The following MYO1E variants were observed in gnomAD, a reference collection of about 807,000 sequenced individuals.
MYO1E encodes the protein myosin IE, also known as unconventional myosin-Ie.
In MYO1E, 68 loss-of-function variants were observed where a neutral mutation model predicts 151.1. The ratio of observed to expected loss-of-function variants is 0.45; its 90% CI spans 0.37 to 0.55. The LOEUF (loss-of-function observed/expected upper bound fraction) is 0.55. MYO1E is among the 20% of genes least tolerant of loss of function. The pLI is 0.00. For synonymous variants in MYO1E, 601 were observed against 501.7 expected (o/e 1.20, Z -2.64); for missense variants, 1,363 against 1,389.3 (o/e 0.98, Z 0.30).
chr15:59,196,719 C>T (rs756879721), intron 16 of MYO1E, among the ~76,000 whole-genome samples: 3 of 152,012 alleles, frequency 2.0e-5, no homozygotes, highest in African/African-American at 4.8e-5. Flanking sequence ...GCATTCTTTG[C>T]GATGCTTGAA....
intron 1 of MYO1E, among the ~76,000 whole-genome samples, chr15:59,306,781 G>A (rs1312287605): frequency 6.6e-6 from 1 of 152,236 alleles, no homozygotes; most frequent in Non-Finnish European, 1.5e-5. Context: ...ATTAGGGACT[G>A]ACACGTTATC....
intron 1 of MYO1E, among the ~76,000 whole-genome samples, chr15:59,330,715 C>A (rs1194207042): frequency 1.3e-5 from 2 of 152,154 alleles, no homozygotes; most frequent in Non-Finnish European, 2.9e-5. Context: ...CAGGAGTCAG[C>A]AAACTACAGC....
At chr15:59,310,507 G>A (rs1346594627) in intron 1 of MYO1E, among the ~76,000 whole-genome samples, 3 of 152,074 alleles carry the variant, frequency 2.0e-5, no homozygotes, top group African/African-American at 4.8e-5. Context: ...AGATTGGGGC[G>A]ACACAGCCAC....
At chr15:59,316,016 C>T (rs2080586663) in intron 1 of MYO1E, among the ~76,000 whole-genome samples, 2 of 152,124 alleles carry the variant, frequency 1.3e-5, no homozygotes, top group African/African-American at 2.4e-5. Context: ...CCAACAAGTA[C>T]CAGAGTGGTT....
At chr15:59,167,253 A>G (rs778468663) in intron 22 of MYO1E, among the ~76,000 whole-genome samples, 4 of 152,132 alleles carry the variant, frequency 2.6e-5, no homozygotes, top group Non-Finnish European at 5.9e-5. Flanking sequence ...CCAATTGGAG[A>G]TAAGTACTGG....
At chr15:59,339,688 T>G (rs1261865332) in intron 1 of MYO1E, among the ~76,000 whole-genome samples, 2 of 152,130 alleles carry the variant, frequency 1.3e-5, no homozygotes, top group Non-Finnish European at 2.9e-5. Flanking sequence ...GTCTCCCTAC[T>G]AAGAATTTTA....
chr15:59,248,619 T>C (rs1490384031), intron 4 of MYO1E, among the ~76,000 whole-genome samples: 3 of 151,928 alleles, frequency 2.0e-5, no homozygotes, highest in African/African-American at 4.8e-5. Context: ...TTACTAGAAG[T>C]TGGCCTAATA....
intron 1 of MYO1E, among the ~76,000 whole-genome samples, chr15:59,308,959 T>G (rs1369867077): frequency 1.3e-5 from 2 of 151,330 alleles, no homozygotes; most frequent in African/African-American, 4.9e-5. Context: ...AGAAAACCTG[T>G]TCGATTAGCT....
rs1200420172 is a variant in MYO1E at position 59,149,044 on chromosome 15, T to G, written c.3080+4546A>C. Among the ~76,000 whole-genome samples, 8 of 56,384 alleles carry G rather than the reference T, an allele frequency of 1.4e-4. No individual in the cohort carries two copies. The South Asian group carries it at 3.1e-3, about 22-fold the overall frequency. The allele number at this position is 56,384 out of a possible 152,430, so 37.0% of individuals were successfully genotyped here. On this transcript the variant is annotated intron_variant, in intron 26 of 27. Coordinates refer to ENST00000288235, the MANE Select transcript of MYO1E (RefSeq NM_004998.4). The stretch of plus-strand genomic sequence containing the variant: ...AAAGGTGGGTGGATGAACTGTTTTT[T>G]TTTTTTTGTTTTTTTTTTTTTTTTT...
chr15:59,172,960 G>A (rs115692243), intron 21 of MYO1E, among the ~76,000 whole-genome samples: 1,566 of 152,274 alleles, frequency 0.01, 35 homozygotes, highest in African/African-American at 0.036. Flanking sequence ...TGTTTATTTC[G>A]TTAAATTTTT....
rs796522953 is a variant in MYO1E, at chr15:59,163,371, T to TC, written c.2481-69dup. ...TCTGTTTACTCTATTGTTTTTTTTT[T>TC]CTTCCATTTTAAAAATCCTGCAAGA... On this transcript the variant is annotated intron_variant, in intron 22 of 27. Transcript: ENST00000288235. 58 of 1,505,674 alleles carry TC rather than the reference T, an allele frequency of 3.9e-5. No homozygotes were observed. In the African/African-American group the frequency reaches 6.7e-4, roughly 17 times the overall value. 93.3% of individuals were successfully genotyped at this position (1,505,674 alleles called of 1,614,324 possible). A position where few individuals can be genotyped will look rare whatever the true frequency, so the allele number is the denominator to read the frequency against.
chr15:59,300,311 CACAG>C lies in MYO1E; in HGVS notation c.4-27866_4-27863del, dbSNP rs1489644804. Among the ~76,000 whole-genome samples, 343 of 152,112 alleles carry C rather than the reference CACAG, an allele frequency of 2.3e-3. 1 individual carries two copies. Among genetic ancestry groups the C allele is most frequent in the African/African-American group, 7.6e-3 (315 of 41,472 alleles). ...CCCAGCACGCGCACACACACACACA[CACAG>C]ACACACACACACACGCACGGTCATT... is the stretch of plus-strand genomic sequence containing the variant. On this transcript the variant is annotated intron_variant, in intron 1 of 27. Coordinates refer to ENST00000288235, the MANE Select transcript of MYO1E (RefSeq NM_004998.4).
In MYO1E at chr15:59,218,148, C is replaced by T. The variant is rs1281567402; in HGVS notation, c.911-61G>A. 6 of 1,590,364 alleles carry T rather than the reference C, an allele frequency of 3.8e-6. No homozygotes were observed. The African/African-American group carries it at 4.0e-5, about 11-fold the overall frequency. On this transcript the variant is annotated intron_variant, in intron 9 of 27. Transcript: ENST00000288235. ...GAATTGTGACACTTCCAAGTCATCT[C>T]ACAAACATATGGAGGCACTTATGTG...
chr15:59,242,402 G>A (rs961253148), intron 4 of MYO1E, among the ~76,000 whole-genome samples: 3 of 152,134 alleles, frequency 2.0e-5, no homozygotes, highest in Non-Finnish European at 4.4e-5. Context: ...GCTGGAAGGG[G>A]TTCCCACTGG....
chr15:59,346,916 C>G (rs2080797054), intron 1 of MYO1E, among the ~76,000 whole-genome samples: 1 of 137,400 alleles, frequency 7.3e-6, no homozygotes, highest in Admixed American at 6.9e-5. Flanking sequence ...GACCTTGTCT[C>G]CCAAAAAGAA....
chr15:59,214,457 G>A (rs2079901184), intron 11 of MYO1E, 143 bp from the exon 12 acceptor site: 3 of 898,238 alleles, frequency 3.3e-6, no homozygotes, highest in African/African-American at 3.4e-5. Context: ...TTATATTTAG[G>A]AGAAACTAAT....
At chr15:59,170,200 A>C (rs548332360) in intron 22 of MYO1E, among the ~76,000 whole-genome samples, 7 of 151,782 alleles carry the variant, frequency 4.6e-5, no homozygotes, top group Non-Finnish European at 1.0e-4. Context: ...AACCACACAA[A>C]TGTAGCTCAA....
intron 1 of MYO1E, among the ~76,000 whole-genome samples, chr15:59,322,663 C>G (rs1359101259): frequency 6.6e-6 from 1 of 152,066 alleles, no homozygotes; most frequent in Non-Finnish European, 1.5e-5. Flanking sequence ...GTGGCTCTGT[C>G]AGAGGGAAAG....
chr15:59,271,346 A>G (rs1403794839), intron 2 of MYO1E, among the ~76,000 whole-genome samples: 2 of 152,234 alleles, frequency 1.3e-5, no homozygotes, highest in Non-Finnish European at 2.9e-5. Context: ...TCAGAAGCAA[A>G]GACTCCACTT....
Sources: gnomAD v4.1 joint callset for allele counts (sites outside exome capture counted in the v4.1 genomes callset) on GRCh38, gnomAD v4.1.1 for gene constraint, MANE v1.5 for transcripts, NCBI Gene and HGNC (gene_info 2026-07-23, HGNC 2026-07-21) for gene names.